RBFOX1: variants seen among roughly 807,000 people sequenced by gnomAD.
RBFOX1 encodes the protein RNA binding protein fox-1 homolog 1.
RBFOX1 carries 8 observed loss-of-function variants against 57.7 expected under a neutral mutation model. That is an observed-to-expected ratio of 0.14 (90% CI 0.08 to 0.25). RBFOX1 has a LOEUF of 0.25. RBFOX1 is among the 10% of genes least tolerant of loss of function. The pLI is 1.00. For missense variants in RBFOX1, 611 were observed against 548.5 expected, an observed-to-expected ratio of 1.11 and a Z score of -1.14; for synonymous variants, 326 against 222.4, an observed-to-expected ratio of 1.47 and a Z score of -4.15.
intron 2 of RBFOX1, among the ~76,000 whole-genome samples, chr16:6,540,114 C>A (rs1042466161): frequency 6.6e-6 from 1 of 152,000 alleles, no homozygotes; most frequent in South Asian, 2.1e-4. Context: ...AGTTGAAGAA[C>A]CCATGTTTTT....
At chr16:6,988,709 T>G (rs2090829765) in intron 3 of RBFOX1, among the ~76,000 whole-genome samples, 1 of 151,030 alleles carries the variant, frequency 6.6e-6, no homozygotes, top group Non-Finnish European at 1.5e-5. Flanking sequence ...GGATTACAGG[T>G]GTGTGACATC....
intron 2 of RBFOX1, among the ~76,000 whole-genome samples, chr16:6,439,246 C>A (rs1597262072): frequency 6.6e-6 from 1 of 152,134 alleles, no homozygotes; most frequent in Non-Finnish European, 1.5e-5. Flanking sequence ...CATCCTTCGG[C>A]CTCTGATGAA....
chr16:5,322,557 G>C (rs1208253462), intron 1 of RBFOX1, among the ~76,000 whole-genome samples: 1 of 152,134 alleles, frequency 6.6e-6, no homozygotes, highest in Non-Finnish European at 1.5e-5. Context: ...CTCCAAATCA[G>C]ATTGAACTGA....
intron 1 of RBFOX1, among the ~76,000 whole-genome samples, chr16:6,029,212 A>G (rs62015780): frequency 0.041 from 6,249 of 152,292 alleles, 179 homozygotes; most frequent in Non-Finnish European, 0.067. Context: ...AGTGAATTTC[A>G]TTCATTTTGC....
chr16:6,271,678 A>T (rs1278556045), intron 1 of RBFOX1, among the ~76,000 whole-genome samples: 1 of 152,178 alleles, frequency 6.6e-6, no homozygotes, highest in Non-Finnish European at 1.5e-5. Flanking sequence ...ATAACTCCAC[A>T]AACTTATCTT....
chr16:6,575,267 G>C lies in RBFOX1; in HGVS notation c.-63-79336G>C, dbSNP rs573064724. On this transcript the variant is annotated intron_variant, in intron 2 of 15. Transcript: ENST00000550418. ...TTACATCCTAGTGTCTAAAGGCAAT[G>C]ATGTGCTTGATTAAGCCTATGCATG... 3.9e-5 allele frequency among the ~76,000 whole-genome samples: 6 copies of C among 152,252 alleles called. No individual in the cohort carries two copies. In the South Asian group the frequency reaches 8.3e-4, roughly 21 times the overall value.
intron 3 of RBFOX1, among the ~76,000 whole-genome samples, chr16:6,784,259 G>A (rs576784880): frequency 5.9e-5 from 9 of 151,866 alleles, no homozygotes; most frequent in Middle Eastern, 3.4e-3. Flanking sequence ...TAGATTTGCC[G>A]TTTTTAGGTT....
chr16:6,118,725 C>G (rs906268225), intron 1 of RBFOX1, among the ~76,000 whole-genome samples: 2 of 138,328 alleles, frequency 1.4e-5, no homozygotes, highest in Non-Finnish European at 1.5e-5. Context: ...CTCCCTCTTT[C>G]TCTCTCTCTC....
chr16:7,049,815 G>C (rs919170465), intron 3 of RBFOX1, among the ~76,000 whole-genome samples: 3 of 152,132 alleles, frequency 2.0e-5, no homozygotes, highest in African/African-American at 7.2e-5. Context: ...ATCTTGTCAA[G>C]AACCGAAACC....
intron 1 of RBFOX1, among the ~76,000 whole-genome samples, chr16:6,190,407 A>G (rs943529004): frequency 2.0e-5 from 3 of 152,198 alleles, no homozygotes; most frequent in African/African-American, 7.2e-5. Context: ...CCTACAGCCT[A>G]TGTTTGAATC....
At chr16:6,999,573 C>G (rs1457942538) in intron 3 of RBFOX1, among the ~76,000 whole-genome samples, 1 of 151,898 alleles carries the variant, frequency 6.6e-6, no homozygotes, top group Non-Finnish European at 1.5e-5. Context: ...ATACTGATCC[C>G]TCATATGCTT....
chr16:6,860,681 C>G (rs567346957), intron 3 of RBFOX1, among the ~76,000 whole-genome samples: 3 of 152,182 alleles, frequency 2.0e-5, no homozygotes, highest in East Asian at 3.9e-4. Context: ...TAAATTGTAG[C>G]AAAAGTCATG....
chr16:6,625,161 A>T (rs1432718461), intron 2 of RBFOX1, among the ~76,000 whole-genome samples: 3 of 87,712 alleles, frequency 3.4e-5, no homozygotes, highest in Non-Finnish European at 8.1e-5. Context: ...CCTATCTAAA[A>T]AAAAAAAAAA....
At position 5,794,829 on chromosome 16, in the gene RBFOX1, C is replaced by G. The variant is rs1381107790; in HGVS notation, c.319-72474C>G. On this transcript the variant is annotated intron_variant, in intron 3 of 19. Transcript: ENST00000641259. ...ATCTAGGCAGAGGCTAGTGGCATCT[C>G]TTATGTATTAGCCGCCAAGAGGCTG... Among the ~76,000 whole-genome samples the G allele has an allele frequency of 3.3e-5, 5 of 152,316 alleles. No individual in the cohort carries two copies. The East Asian group carries it at 9.6e-4, about 29-fold the overall frequency.
intron 4 of RBFOX1, among the ~76,000 whole-genome samples, chr16:7,337,266 G>A (rs2144848419): frequency 6.6e-6 from 1 of 152,232 alleles, no homozygotes; most frequent in South Asian, 2.1e-4. Context: ...CAGGCAGGGT[G>A]GCTTATGAAA....
At chr16:7,626,822 T>A (rs2060144139) in intron 10 of RBFOX1, among the ~76,000 whole-genome samples, 1 of 152,204 alleles carries the variant, frequency 6.6e-6, no homozygotes, top group Middle Eastern at 3.2e-3. Context: ...GACTTGTTTT[T>A]AAAAATGTAT....
chr16:5,819,442 G>C (rs964805699), intron 3 of RBFOX1, among the ~76,000 whole-genome samples: 7 of 152,156 alleles, frequency 4.6e-5, no homozygotes, highest in Admixed American at 2.0e-4. Context: ...TCTATGCTCT[G>C]CTTCTGCTCT....
chr16:7,394,995 A>T (rs1173170580), intron 4 of RBFOX1, among the ~76,000 whole-genome samples: 1 of 152,162 alleles, frequency 6.6e-6, no homozygotes. Flanking sequence ...CGTGCTGAGG[A>T]AATGTAATGG....
At chr16:6,224,509 G>T (rs938192805) in intron 1 of RBFOX1, among the ~76,000 whole-genome samples, 13 of 152,066 alleles carry the variant, frequency 8.5e-5, no homozygotes, top group African/African-American at 2.9e-4. Flanking sequence ...GTAGTAAGAT[G>T]CTCGATTCAT....
Sources: allele counts gnomAD v4.1 joint callset (sites outside exome capture counted in the v4.1 genomes callset), GRCh38; gene constraint gnomAD v4.1.1; transcripts MANE v1.5; gene names NCBI Gene and HGNC (gene_info 2026-07-23, HGNC 2026-07-21).